MAGI1: variants seen among roughly 807,000 people sequenced by gnomAD.
MAGI1 encodes the protein membrane associated guanylate kinase, WW and PDZ domain containing 1.
In MAGI1, 58 loss-of-function variants were observed where a neutral mutation model predicts 139.9. That is an observed-to-expected ratio of 0.41 (90% CI 0.34 to 0.52). The LOEUF is 0.52. MAGI1 is among the 20% of genes least tolerant of loss of function. The pLI is 0.12. For synonymous variants in MAGI1, 812 were observed against 737.9 expected (o/e 1.10, Z -1.63); for missense variants, 1,874 against 1,901.6 (o/e 0.99, Z 0.27).
chr3:65,443,118 T>G (rs1303432226), intron 7 of MAGI1, among the ~76,000 whole-genome samples: 1 of 152,216 alleles, frequency 6.6e-6, no homozygotes, highest in Non-Finnish European at 1.5e-5. Context: ...ACTATTAAAT[T>G]AGATTTTAGT....
At chr3:65,708,635 G>GA (rs1385151838) in intron 1 of MAGI1, among the ~76,000 whole-genome samples, 2 of 151,826 alleles carry the variant, frequency 1.3e-5, no homozygotes, top group Non-Finnish European at 2.9e-5. Flanking sequence ...GAAAAAGTGA[G>GA]AAAAAAGGAA....
At chr3:65,798,140 C>T (rs1392217403) in intron 1 of MAGI1, among the ~76,000 whole-genome samples, 3 of 151,946 alleles carry the variant, frequency 2.0e-5, no homozygotes, top group Admixed American at 2.0e-4. Context: ...CCTGTCTCTA[C>T]TAAAAATACA....
chr3:65,856,003 A>G (rs2059367312), intron 1 of MAGI1, among the ~76,000 whole-genome samples: 1 of 152,118 alleles, frequency 6.6e-6, no homozygotes, highest in Non-Finnish European at 1.5e-5. Flanking sequence ...TGACCAGCAG[A>G]ATTTTCTTGA....
chr3:65,821,163 T>C (rs17361892), intron 1 of MAGI1, among the ~76,000 whole-genome samples: 15,838 of 152,088 alleles, frequency 0.1, 1,072 homozygotes, highest in East Asian at 0.24. Flanking sequence ...AACCTTTGCA[T>C]TGGAATCTTA....
At chr3:65,692,874 G>C (rs2088803096) in intron 1 of MAGI1, among the ~76,000 whole-genome samples, 1 of 152,058 alleles carries the variant, frequency 6.6e-6, no homozygotes, top group South Asian at 2.1e-4. Flanking sequence ...TCATCAAATG[G>C]GGTCCTAGAC....
At chr3:65,778,205 G>A (rs533937128) in intron 1 of MAGI1, among the ~76,000 whole-genome samples, 44 of 152,162 alleles carry the variant, frequency 2.9e-4, no homozygotes, top group African/African-American at 9.9e-4. Context: ...CAAGGCTGGC[G>A]GATCACCTGA....
chr3:65,570,435 T>G (rs2080904371), intron 2 of MAGI1, among the ~76,000 whole-genome samples: 1 of 151,598 alleles, frequency 6.6e-6, no homozygotes, highest in African/African-American at 2.4e-5. Context: ...AAAAAAATGT[T>G]TAATCAGCTC....
At chr3:65,732,662 G>A (rs986251122) in intron 1 of MAGI1, among the ~76,000 whole-genome samples, 1 of 152,168 alleles carries the variant, frequency 6.6e-6, no homozygotes, top group Admixed American at 6.5e-5. Flanking sequence ...TGAGACTTCT[G>A]TTTTTAGTAT....
At chr3:65,753,486 C>T (rs573090170) in intron 1 of MAGI1, among the ~76,000 whole-genome samples, 2 of 151,886 alleles carry the variant, frequency 1.3e-5, no homozygotes, top group Middle Eastern at 3.2e-3. Context: ...TTTGGGAGGC[C>T]GAGGCGGGAG....
At chr3:65,556,117 C>G (rs961769300) in intron 2 of MAGI1, among the ~76,000 whole-genome samples, 2 of 152,086 alleles carry the variant, frequency 1.3e-5, no homozygotes, top group African/African-American at 4.8e-5. Context: ...GAAATAGAGA[C>G]CTGAACTAGT....
chr3:65,819,713 C>T (rs1341518814), intron 1 of MAGI1, among the ~76,000 whole-genome samples: 1 of 151,104 alleles, frequency 6.6e-6, no homozygotes, highest in African/African-American at 2.4e-5. Context: ...CTAGTCTTTA[C>T]TAAAAATACA....
At chr3:65,810,749 T>C (rs1328780688) in intron 1 of MAGI1, among the ~76,000 whole-genome samples, 1 of 152,180 alleles carries the variant, frequency 6.6e-6, no homozygotes, top group East Asian at 1.9e-4. Context: ...GTAGAATCCC[T>C]CCCCAGGTCT....
chr3:65,826,823 T>C (rs2042254593), intron 1 of MAGI1, among the ~76,000 whole-genome samples: 1 of 152,204 alleles, frequency 6.6e-6, no homozygotes, highest in South Asian at 2.1e-4. Context: ...AATAGTTCTC[T>C]TTCTAACAAT....
At chr3:65,688,959 C>T (rs961406072) in intron 1 of MAGI1, among the ~76,000 whole-genome samples, 1 of 152,208 alleles carries the variant, frequency 6.6e-6, no homozygotes, top group South Asian at 2.1e-4. Context: ...ACTATCCCTA[C>T]TCTGGAAAAA....
intron 1 of MAGI1, among the ~76,000 whole-genome samples, chr3:65,979,095 C>CCCCG (rs1553742299): frequency 8.7e-5 from 5 of 57,750 alleles, no homozygotes; most frequent in Non-Finnish European, 2.0e-4. Flanking sequence ...TCTTCCCCCC[C>CCCCG]CCCGCCACCC....
At chr3:65,515,233 A>G (rs1479756587) in intron 2 of MAGI1, among the ~76,000 whole-genome samples, 5 of 144,216 alleles carry the variant, frequency 3.5e-5, no homozygotes. Context: ...TGGGTGCAGC[A>G]CACCAGCATG....
intron 1 of MAGI1, among the ~76,000 whole-genome samples, chr3:65,732,529 G>T (rs1326126615): frequency 6.6e-6 from 1 of 152,124 alleles, no homozygotes. Flanking sequence ...CCCTCTAGAG[G>T]ATATCAGCAT....
chr3:65,541,999 C>T (rs1288474681), intron 2 of MAGI1, among the ~76,000 whole-genome samples: 1 of 152,190 alleles, frequency 6.6e-6, no homozygotes, highest in Non-Finnish European at 1.5e-5. Context: ...CTGCAGATTA[C>T]ATGATTGTAT....
intron 1 of MAGI1, among the ~76,000 whole-genome samples, chr3:65,844,856 T>C (rs2108357997): frequency 6.6e-6 from 1 of 152,284 alleles, no homozygotes. Flanking sequence ...CAGGGATCCC[T>C]AACTCCACTC....
Sources: allele counts gnomAD v4.1 joint callset (sites outside exome capture counted in the v4.1 genomes callset), GRCh38; gene constraint gnomAD v4.1.1; transcripts MANE v1.5; gene names NCBI Gene and HGNC (gene_info 2026-07-23, HGNC 2026-07-21).